The following GDPD1 variants were observed in gnomAD, a reference collection of about 807,000 sequenced individuals.
GDPD1 encodes glycerophosphodiester phosphodiesterase domain containing 1.
In GDPD1, 28 loss-of-function variants were observed where a neutral mutation model predicts 45.1. The observed-to-expected ratio is 0.62, with a 90% confidence interval of 0.46 to 0.85. The LOEUF (loss-of-function observed/expected upper bound fraction) is 0.85. Ranked by LOEUF, GDPD1 falls within the 40% of genes least tolerant of loss-of-function variation. GDPD1 has a pLI of 0.00. For missense variants in GDPD1, 256 were observed against 364.8 expected (o/e 0.70, Z 2.43); for synonymous variants, 139 against 131.4 (o/e 1.06, Z -0.40).
intron 6 of GDPD1, among the ~76,000 whole-genome samples, chr17:59,262,637 T>G (rs1201329447): frequency 2.9e-5 from 3 of 103,336 alleles, no homozygotes; most frequent in Non-Finnish European, 7.6e-5. Flanking sequence ...TTGTTTTTTT[T>G]TGTTTTTTTT....
chr17:59,243,503 C>T (rs2047189567), intron 2 of GDPD1, among the ~76,000 whole-genome samples: 6 of 151,052 alleles, frequency 4.0e-5, no homozygotes, highest in Admixed American at 4.0e-4. Flanking sequence ...AAACTCAGTA[C>T]CCCCCAACCA....
intron 7 of GDPD1, among the ~76,000 whole-genome samples, chr17:59,268,392 C>A (rs1351047808): frequency 1.3e-5 from 2 of 150,398 alleles, no homozygotes; most frequent in South Asian, 4.2e-4. Context: ...CTGGCTAACA[C>A]GGTGAAACCC....
Position 59,254,399 on chromosome 17 carries a change from C to T in GDPD1, c.368-2723C>T, listed in dbSNP as rs911433330. On this transcript the variant is annotated intron_variant, in intron 4 of 9. Transcript: ENST00000284116. ...AAAAAAGAAAAGCCAAGCGTGGTGG[C>T]ACATGCCTCTAATCTCAGCTATTTG... 4.0e-5 allele frequency among the ~76,000 whole-genome samples: 6 copies of T among 149,788 alleles called. 1 individual carries two copies. In the South Asian group the frequency reaches 1.3e-3, roughly 32 times the overall value.
chr17:59,224,529 G>T (rs1179302725), intron 1 of GDPD1, among the ~76,000 whole-genome samples: 1 of 151,792 alleles, frequency 6.6e-6, no homozygotes, highest in African/African-American at 2.4e-5. Flanking sequence ...GGAGGCTGAG[G>T]CAGGAGAATG....
intron 6 of GDPD1, among the ~76,000 whole-genome samples, chr17:59,263,022 T>A (rs182728057): frequency 6.6e-6 from 1 of 152,286 alleles, no homozygotes; most frequent in African/African-American, 2.4e-5. Context: ...ATGCGGTGTT[T>A]AAAAAATGAT....
intron 1 of GDPD1, 82 bp downstream of exon 1, chr17:59,220,833 C>A: frequency 6.8e-7 from 1 of 1,479,192 alleles, no homozygotes; most frequent in Admixed American, 1.8e-5. Context: ...CAGCCGGGTG[C>A]CAATCCCTGA....
intron 8 of GDPD1, 151 bp downstream of exon 8, chr17:59,271,146 A>C: frequency 1.9e-6 from 1 of 528,858 alleles, no homozygotes; most frequent in Non-Finnish European, 3.4e-6. Flanking sequence ...AATCATTTAG[A>C]AATATCTTAA....
At chr17:59,273,588 G>A in intron 9 of GDPD1, 63 bp from the exon 10 acceptor site, 1 of 948,428 alleles carries the variant, frequency 1.1e-6, no homozygotes, top group Admixed American at 2.4e-5. Context: ...GATAAATACT[G>A]TTATAAAAAT....
chr17:59,250,764 A>G (rs2047246998), intron 4 of GDPD1, among the ~76,000 whole-genome samples: 1 of 152,048 alleles, frequency 6.6e-6, no homozygotes, highest in African/African-American at 2.4e-5. Flanking sequence ...AAGTAGCTCA[A>G]TCTCAGCTCA....
chr17:59,221,442 C>A, intron 1 of GDPD1, among the ~76,000 whole-genome samples: 2 of 105,618 alleles, frequency 1.9e-5, no homozygotes, highest in African/African-American at 3.6e-5. Context: ...TTTTTGAACA[C>A]TGCAATAAAT....
chr17:59,236,838 G>A (rs1375457501), intron 2 of GDPD1, among the ~76,000 whole-genome samples: 1 of 151,866 alleles, frequency 6.6e-6, no homozygotes, highest in African/African-American at 2.4e-5. Context: ...ATGTTTGTTA[G>A]ATGTATTTAT....
intron 4 of GDPD1, among the ~76,000 whole-genome samples, chr17:59,254,759 GTC>G (rs1203247769): frequency 4.6e-5 from 7 of 152,110 alleles, no homozygotes; most frequent in African/African-American, 1.4e-4. Context: ...GCAGTAATTG[GTC>G]TCTCTCTATC....
At chr17:59,255,757 A>AG in intron 4 of GDPD1, among the ~76,000 whole-genome samples, 1 of 85,472 alleles carries the variant, frequency 1.2e-5, no homozygotes, top group South Asian at 3.8e-4. Context: ...AAAAAAAAAA[A>AG]AAAAAATATA....
intron 1 of GDPD1, among the ~76,000 whole-genome samples, chr17:59,225,336 C>A (rs2047039905): frequency 6.6e-6 from 1 of 152,048 alleles, no homozygotes; most frequent in African/African-American, 2.4e-5. Context: ...ATCTCCTGAG[C>A]TCAGGCAATT....
chr17:59,226,251 T>C (rs2047046418), intron 1 of GDPD1, among the ~76,000 whole-genome samples: 1 of 152,134 alleles, frequency 6.6e-6, no homozygotes. Context: ...TTTTTGAATA[T>C]TATCTGAATA....
intron 1 of GDPD1, among the ~76,000 whole-genome samples, chr17:59,226,738 C>A (rs7211388): frequency 0.41 from 62,692 of 151,802 alleles, 13,832 homozygotes; most frequent in African/African-American, 0.58. Context: ...TGCAGTGGCG[C>A]GATCTCAGCT....
rs535438260 is a variant in GDPD1, at chr17:59,270,969, A to G, written c.744A>G (p.Gln248=). The G allele has an allele frequency of 2.3e-5, 37 of 1,604,508 alleles. No homozygotes were observed. The Admixed American group carries it at 3.7e-4, about 16-fold the overall frequency. The change falls in exon 8 of 10, where the codon CAA becomes CAG. Residue 248 remains glutamine (Q), a synonymous_variant. Coordinates refer to ENST00000284116, the MANE Select transcript of GDPD1 (RefSeq NM_182569.4). ...AACCACACACCATGTCCAGAAGTCAAAAGTTTCTCATCTGGCTTTCTGATC... is the reference window on the plus strand; with the variant it reads ...AACCACACACCATGTCCAGAAGTCAGAAGTTTCTCATCTGGCTTTCTGATC... The part of the protein sequence containing the change: ...LKEPHTMSRS[Q]KFLIWLSDLL...
chr17:59,235,448 G>A lies in GDPD1; in HGVS notation c.185+914G>A, dbSNP rs570001422. Among the ~76,000 whole-genome samples, 48 of 151,976 alleles carry A rather than the reference G, an allele frequency of 3.2e-4. 1 individual carries two copies. The South Asian group carries it at 9.8e-3, about 31-fold the overall frequency. On this transcript the variant is annotated intron_variant, in intron 2 of 9. Coordinates refer to ENST00000284116, the MANE Select transcript of GDPD1 (RefSeq NM_182569.4). ...CCTAAATCCTATCTTCCTTGTATTTGTCATCTCTTACTCTTCTTGTTCTAT... is the reference window on the plus strand; with the variant it reads ...CCTAAATCCTATCTTCCTTGTATTTATCATCTCTTACTCTTCTTGTTCTAT...
intron 8 of GDPD1, among the ~76,000 whole-genome samples, chr17:59,271,890 C>T (rs1423345053): frequency 1.3e-5 from 2 of 152,112 alleles, no homozygotes; most frequent in East Asian, 1.9e-4. Context: ...CCACCTCAGC[C>T]TCCCAAAGTG....
Sources: allele counts gnomAD v4.1 joint callset (sites outside exome capture counted in the v4.1 genomes callset), GRCh38; gene constraint gnomAD v4.1.1; transcripts MANE v1.5; gene names NCBI Gene and HGNC (gene_info 2026-07-23, HGNC 2026-07-21).